EVC2: variants seen among roughly 807,000 people sequenced by gnomAD.
EVC2 encodes the protein EvC ciliary complex subunit 2.
EVC2 carries 148 observed loss-of-function variants against 149.3 expected under a neutral mutation model. That is an observed-to-expected ratio of 0.99 (90% confidence interval 0.87 to 1.14). The LOEUF is 1.14. EVC2 is among the 50% of genes most tolerant of loss of function. The probability of loss-of-function intolerance (pLI) is 0.00; values close to 1 mark genes in which losing one functional copy is unlikely to be tolerated. For synonymous variants in EVC2, 776 were observed against 649.9 expected (o/e 1.19, Z -2.95); for missense variants, 1,854 against 1,627.3 (o/e 1.14, Z -2.40).
chr4:5,650,099 T>C (rs1718001584), intron 9 of EVC2, among the ~76,000 whole-genome samples: 1 of 152,202 alleles, frequency 6.6e-6, no homozygotes, highest in Non-Finnish European at 1.5e-5. Flanking sequence ...TAAAGATTTC[T>C]ATGTTTAGAA....
At chr4:5,639,828 C>T (rs1717185380) in intron 10 of EVC2, among the ~76,000 whole-genome samples, 1 of 152,062 alleles carries the variant, frequency 6.6e-6, no homozygotes, top group Non-Finnish European at 1.5e-5. Flanking sequence ...TGTGAACATA[C>T]CTCTATTATA....
intron 1 of EVC2, among the ~76,000 whole-genome samples, chr4:5,699,902 A>C (rs1364345019): frequency 6.6e-6 from 1 of 152,178 alleles, no homozygotes; most frequent in Non-Finnish European, 1.5e-5. Flanking sequence ...GCACTTTGGG[A>C]GGCCAAGGTA....
chr4:5,695,335 A>G (rs1455439538), intron 2 of EVC2, among the ~76,000 whole-genome samples: 89 of 151,518 alleles, frequency 5.9e-4, no homozygotes, highest in Admixed American at 2.0e-4. Context: ...GCGACAGAGC[A>G]AGACTCCATC....
intron 3 of EVC2, among the ~76,000 whole-genome samples, chr4:5,691,582 C>G (rs1721123686): frequency 6.6e-6 from 1 of 152,180 alleles, no homozygotes; most frequent in South Asian, 2.1e-4. Context: ...TGTGGGACAC[C>G]TGTTGTCACA....
intron 1 of EVC2, among the ~76,000 whole-genome samples, chr4:5,698,422 C>T (rs1034719999): frequency 6.6e-6 from 1 of 152,166 alleles, no homozygotes; most frequent in African/African-American, 2.4e-5. Flanking sequence ...AGTCTCTCAG[C>T]CTCTCTGAGC....
intron 16 of EVC2, among the ~76,000 whole-genome samples, chr4:5,606,283 G>A (rs1200578316): frequency 6.6e-6 from 1 of 152,144 alleles, no homozygotes; most frequent in African/African-American, 2.4e-5. Flanking sequence ...TTTTAAAGCA[G>A]ACCTACTGTA....
chr4:5,685,603 G>C, intron 5 of EVC2, 124 bp from the exon 6 acceptor site: 1 of 738,954 alleles, frequency 1.4e-6, no homozygotes, highest in African/African-American at 1.7e-5. Context: ...CACCATGGCA[G>C]TGATGCCTGC....
In EVC2 at chr4:5,689,137, T is replaced by TCAGAA. The variant is rs776622157; in HGVS notation, c.706+15_706+19dup. ...ATATTCTCATTTGTCATCCCTGACT[T>TCAGAA]CAGAACGCTTTGCTGTTACCTTGCA... is the stretch of plus-strand genomic sequence containing the variant. On this transcript the variant is annotated intron_variant, in intron 5 of 21. Transcript: ENST00000344408. The TCAGAA allele has an allele frequency of 6.2e-7, 1 of 1,613,684 alleles. No individual in the cohort carries two copies. The highest frequency in any genetic ancestry group is 1.1e-5 in the South Asian group (1 of 91,042).
In EVC2 at chr4:5,636,502, T is replaced by C. The variant is rs966477679; in HGVS notation, c.1470+4012A>G. Among the ~76,000 whole-genome samples the C allele has an allele frequency of 2.0e-5, 3 of 152,234 alleles. No homozygotes were observed. Among genetic ancestry groups the C allele is most frequent in the Admixed American group, 6.5e-5 (1 of 15,286 alleles). On this transcript the variant is annotated intron_variant, in intron 10 of 21. Coordinates refer to ENST00000344408, the MANE Select transcript of EVC2 (RefSeq NM_147127.5). This position sits in a 1 kb window ranked among gnomAD's most constrained non-coding sequence, Gnocchi z 4.6. ...ATTTTTTATGCATTTATACAAACTA[T>C]TTATAACTACATAACATTTACATTG...
At chr4:5,628,868 T>A in intron 11 of EVC2, 134 bp from the exon 12 acceptor site, 1 of 902,244 alleles carries the variant, frequency 1.1e-6, no homozygotes, top group Non-Finnish European at 1.7e-6. Context: ...TTAACACCTT[T>A]AACCTCCCTG....
At chr4:5,629,848 T>C (rs1055978594) in intron 11 of EVC2, among the ~76,000 whole-genome samples, 1 of 152,216 alleles carries the variant, frequency 6.6e-6, no homozygotes, top group African/African-American at 2.4e-5. Flanking sequence ...GGAGCCCATG[T>C]TGTAAGGAAA....
chr4:5,632,079 G>A, intron 10 of EVC2, 47 bp from the exon 11 acceptor site: 1 of 1,610,314 alleles, frequency 6.2e-7, no homozygotes, highest in African/African-American at 1.3e-5. Context: ...CACTGAACAT[G>A]CACCTACATG....
At position 5,657,100 on chromosome 4, in the gene EVC2, C is replaced by T. The variant is rs1327352322; in HGVS notation, c.1145+6007G>A. Among the ~76,000 whole-genome samples, 6 of 152,292 alleles carry T rather than the reference C, an allele frequency of 3.9e-5. No individual in the cohort carries two copies. The highest frequency in any genetic ancestry group is 1.9e-4 in the East Asian group (1 of 5,140). ...ATGCCTCCATCCAGACCACTGAGACCACTGCAGGGGAAGGCACCTCGTCCA... is the reference window on the plus strand; with the variant it reads ...ATGCCTCCATCCAGACCACTGAGACTACTGCAGGGGAAGGCACCTCGTCCA... On this transcript the variant is annotated intron_variant, in intron 9 of 21. Transcript: ENST00000344408. This position sits in a 1 kb window ranked among gnomAD's most constrained non-coding sequence, Gnocchi z 4.7.
At chr4:5,643,956 G>A (rs1248245232) in intron 9 of EVC2, among the ~76,000 whole-genome samples, 1 of 152,142 alleles carries the variant, frequency 6.6e-6, no homozygotes, top group Non-Finnish European at 1.5e-5. Context: ...TCATTATTCA[G>A]ACTACCTCAA....
intron 12 of EVC2, among the ~76,000 whole-genome samples, chr4:5,627,082 T>A (rs1716172022): frequency 1.3e-5 from 2 of 152,268 alleles, no homozygotes; most frequent in African/African-American, 4.8e-5. Context: ...TCCTGTTGTT[T>A]CTGTTTCCCT....
chr4:5,530,547 A>G, the EVC2 span, among the ~76,000 whole-genome samples: 1 of 152,112 alleles, frequency 6.6e-6, no homozygotes, highest in African/African-American at 2.4e-5. Context: ...GTGTGGTAAG[A>G]ACACATAAAA....
chr4:5,639,303 A>T (rs1315221738), intron 10 of EVC2, among the ~76,000 whole-genome samples: 1 of 152,240 alleles, frequency 6.6e-6, no homozygotes, highest in Non-Finnish European at 1.5e-5. Flanking sequence ...CTCAGGTCAC[A>T]TGAAATGAAT....
At chr4:5,707,199 G>GA (rs1366266935) in intron 1 of EVC2, among the ~76,000 whole-genome samples, 1 of 152,214 alleles carries the variant, frequency 6.6e-6, no homozygotes, top group East Asian at 1.9e-4. Flanking sequence ...AGATGCAAGT[G>GA]AAAGGACCCA....
At chr4:5,682,463 C>T (rs1398717982) in intron 6 of EVC2, among the ~76,000 whole-genome samples, 1 of 150,070 alleles carries the variant, frequency 6.7e-6, no homozygotes, top group African/African-American at 2.5e-5. Context: ...GCACTCCAGC[C>T]TGGGTGACAA....
Sources: allele counts gnomAD v4.1 joint callset (sites outside exome capture counted in the v4.1 genomes callset), GRCh38; gene constraint gnomAD v4.1.1; non-coding constraint Gnocchi (gnomAD v3.1); transcripts MANE v1.5; gene names NCBI Gene and HGNC (gene_info 2026-07-23, HGNC 2026-07-21).